PTPRZ1: variants seen among roughly 807,000 people sequenced by gnomAD.
PTPRZ1 encodes the protein protein tyrosine phosphatase receptor type Z1.
A neutral mutation model predicts 214.1 loss-of-function variants in PTPRZ1; 82 were observed. The ratio of observed to expected loss-of-function variants is 0.38; its 90% CI spans 0.32 to 0.46. The LOEUF (loss-of-function observed/expected upper bound fraction) is 0.46. PTPRZ1 is among the 20% of genes least tolerant of loss of function. PTPRZ1 has a pLI of 1.00. For synonymous variants in PTPRZ1, 945 were observed against 987.9 expected (o/e 0.96, Z 0.81); for missense variants, 2,603 against 2,748.7 (o/e 0.95, Z 1.19).
At chr7:122,034,924 T>C (rs1799490547) in intron 17 of PTPRZ1, among the ~76,000 whole-genome samples, 1 of 152,140 alleles carries the variant, frequency 6.6e-6, no homozygotes, top group South Asian at 2.1e-4. Flanking sequence ...TCTGGCTTTT[T>C]TCATTAGTGC....
intron 14 of PTPRZ1, among the ~76,000 whole-genome samples, chr7:122,030,010 GTCTCTTCTGCATACCCCATCA>G (rs1173990033): frequency 5.3e-5 from 8 of 151,830 alleles, no homozygotes; most frequent in Non-Finnish European, 1.2e-4. Flanking sequence ...TTCCAAACAT[GTCTCTTCTGCATACCCCATCA>G]GCATGGGTAT....
intron 13 of PTPRZ1, among the ~76,000 whole-genome samples, chr7:122,025,350 A>G (rs1439867019): frequency 9.3e-5 from 13 of 139,748 alleles, no homozygotes; most frequent in Non-Finnish European, 1.8e-4. Flanking sequence ...TTTTTTTGAG[A>G]CAGAGTTTCA....
intron 17 of PTPRZ1, among the ~76,000 whole-genome samples, chr7:122,034,745 A>G (rs1283526449): frequency 6.6e-6 from 1 of 152,102 alleles, no homozygotes; most frequent in African/African-American, 2.4e-5. Context: ...CAACCGAATT[A>G]CATTTTCTTT....
chr7:121,898,424 T>A (rs1794866896), intron 1 of PTPRZ1, among the ~76,000 whole-genome samples: 1 of 152,228 alleles, frequency 6.6e-6, no homozygotes, highest in African/African-American at 2.4e-5. Flanking sequence ...TGGAAATCTT[T>A]TATCTGCTGT....
intron 3 of PTPRZ1, among the ~76,000 whole-genome samples, chr7:121,968,749 A>G (rs2116513919): frequency 6.6e-6 from 1 of 151,900 alleles, no homozygotes; most frequent in South Asian, 2.1e-4. Context: ...CTTTTTTGAT[A>G]TTCTAGTTTT....
rs779760136 is a variant in PTPRZ1 at position 122,004,567 on chromosome 7, G to A, written c.1241-47G>A. On this transcript the variant is annotated intron_variant, in intron 10 of 29. Transcript: ENST00000393386. ...ACCCAAAGGTAAATCCACAAAGGCCGAAATAGTTGAATAAAAACTTTAATA... is the reference window on the plus strand; with the variant it reads ...ACCCAAAGGTAAATCCACAAAGGCCAAAATAGTTGAATAAAAACTTTAATA... 55 of 1,067,882 alleles carry A rather than the reference G, an allele frequency of 5.2e-5. No homozygotes were observed. The African/African-American group carries it at 6.3e-4, about 12-fold the overall frequency. The allele number at this position is 1,067,882 out of a possible 1,614,324, so 66.2% of individuals were successfully genotyped here. A position where few individuals can be genotyped will look rare whatever the true frequency, so the allele number is the denominator to read the frequency against.
At chr7:121,982,602 G>T (rs1423376277) in intron 6 of PTPRZ1, among the ~76,000 whole-genome samples, 3 of 151,726 alleles carry the variant, frequency 2.0e-5, no homozygotes, top group Non-Finnish European at 4.4e-5. Context: ...TTATTTGTTA[G>T]ATTTATTTGT....
intron 2 of PTPRZ1, among the ~76,000 whole-genome samples, chr7:121,933,759 T>A (rs1795994768): frequency 6.6e-6 from 1 of 152,220 alleles, no homozygotes; most frequent in Admixed American, 6.5e-5. Context: ...GTGTTTTATT[T>A]CTTTTGGCCC....
rs571904742 is a variant in PTPRZ1 at position 121,906,400 on chromosome 7, T to C, written c.59-21756T>C. On this transcript the variant is annotated intron_variant, in intron 1 of 29. Transcript: ENST00000393386. ...AGTAGTAGTTAAAATAAAACTATAT[T>C]AATTGCCTTCTTACTAATGTACTAA... 2.0e-5 allele frequency among the ~76,000 whole-genome samples: 3 copies of C among 152,286 alleles called. No homozygotes were observed. In the South Asian group the frequency reaches 6.2e-4, roughly 32 times the overall value.
chr7:122,042,536 C>CA, intron 21 of PTPRZ1, 72 bp from the exon 22 acceptor site: 1 of 1,410,546 alleles, frequency 7.1e-7, no homozygotes, highest in Non-Finnish European at 9.6e-7. Flanking sequence ...ACATGACAAC[C>CA]AGTAGTGATC....
At chr7:121,923,502 G>A (rs1459005653) in intron 1 of PTPRZ1, among the ~76,000 whole-genome samples, 1 of 152,018 alleles carries the variant, frequency 6.6e-6, no homozygotes, top group Non-Finnish European at 1.5e-5. Flanking sequence ...TGGCAATAAC[G>A]TGTGTATGTG....
chr7:121,929,657 A>T (rs113758942), intron 2 of PTPRZ1, among the ~76,000 whole-genome samples: 300 of 151,862 alleles, frequency 2.0e-3, no homozygotes, highest in African/African-American at 6.7e-3. Flanking sequence ...AATACAAAAA[A>T]ATTAGCCAGG....
chr7:122,039,707 C>A, intron 20 of PTPRZ1, 119 bp downstream of exon 20: 1 of 1,291,920 alleles, frequency 7.7e-7, no homozygotes, highest in East Asian at 2.5e-5. Context: ...ATTAAAAATT[C>A]TTGTAACCAG....
chr7:121,967,627 C>T (rs1377358653), intron 2 of PTPRZ1, among the ~76,000 whole-genome samples: 1 of 152,126 alleles, frequency 6.6e-6, no homozygotes, highest in Non-Finnish European at 1.5e-5. Context: ...GCCATTAGAT[C>T]AAGCTTGCAT....
chr7:121,873,694 A>G, intron 1 of PTPRZ1, 137 bp downstream of exon 1: 2 of 1,107,520 alleles, frequency 1.8e-6, no homozygotes, highest in South Asian at 1.4e-5. Flanking sequence ...CTGGGCTCCC[A>G]CGGAGCGGGC....
intron 1 of PTPRZ1, among the ~76,000 whole-genome samples, chr7:121,881,058 T>TTA: frequency 6.6e-6 from 1 of 152,314 alleles, no homozygotes; most frequent in South Asian, 2.1e-4. Context: ...AGCCCTAACC[T>TTA]GCCATTGTGA....
intron 1 of PTPRZ1, among the ~76,000 whole-genome samples, chr7:121,885,235 CCA>C (rs1157364093): frequency 6.6e-6 from 1 of 152,176 alleles, no homozygotes; most frequent in African/African-American, 2.4e-5. Flanking sequence ...CACATAATTT[CCA>C]CAGTTAAGTC....
intron 28 of PTPRZ1, chr7:122,059,474 G>GTT (rs11409860): frequency 9.2e-4 from 243 of 262,888 alleles, no homozygotes; most frequent in South Asian, 1.8e-3. Context: ...ATACTCTCAG[G>GTT]TTTTTTTTAT....
At chr7:122,008,868 C>T (rs933140150) in intron 11 of PTPRZ1, among the ~76,000 whole-genome samples, 6 of 152,100 alleles carry the variant, frequency 3.9e-5, no homozygotes, top group Admixed American at 6.6e-5. Context: ...AGATAATTGG[C>T]ACCAACCAAT....
Sources: gnomAD v4.1 joint callset for allele counts (sites outside exome capture counted in the v4.1 genomes callset) on GRCh38, gnomAD v4.1.1 for gene constraint, MANE v1.5 for transcripts, NCBI Gene and HGNC (gene_info 2026-07-23, HGNC 2026-07-21) for gene names.